INSYN2B: variants seen among roughly 807,000 people sequenced by gnomAD.
INSYN2B encodes the protein protein INSYN2B.
A neutral mutation model predicts 41.2 loss-of-function variants in INSYN2B; 16 were observed. The ratio of observed to expected loss-of-function variants is 0.39; its 90% CI spans 0.26 to 0.59. The LOEUF is 0.59. INSYN2B is among the 20% of genes least tolerant of loss of function. The pLI is 0.57. For synonymous variants in INSYN2B, 245 were observed against 244.4 expected (o/e 1.00, Z -0.02); for missense variants, 608 against 646.4 (o/e 0.94, Z 0.64).
intron 1 of INSYN2B, among the ~76,000 whole-genome samples, chr5:169,950,942 T>C (rs1296111806): frequency 2.6e-5 from 4 of 152,190 alleles, no homozygotes; most frequent in African/African-American, 9.7e-5. Context: ...AATTATAAAA[T>C]TAATTTGAAT....
At chr5:169,913,191 G>A (rs1354656703) in intron 1 of INSYN2B, among the ~76,000 whole-genome samples, 1 of 152,162 alleles carries the variant, frequency 6.6e-6, no homozygotes, top group Non-Finnish European at 1.5e-5. Context: ...TAGCGGAGTC[G>A]GAATGTGCTA....
At position 169,863,716 on chromosome 5, in the gene INSYN2B, C is replaced by G. The variant is rs1326123699; in HGVS notation, c.*557G>C. Among the ~76,000 whole-genome samples, 2 of 152,238 alleles carry G rather than the reference C, an allele frequency of 1.3e-5. No individual in the cohort carries two copies. The highest frequency in any genetic ancestry group is 4.8e-5 in the African/African-American group (2 of 41,448). On this transcript the variant is annotated 3_prime_UTR_variant, in exon 4 of 4. Coordinates refer to ENST00000377365, the MANE Select transcript of INSYN2B (RefSeq NM_001129891.3). The stretch of plus-strand genomic sequence containing the variant: ...GGGGCTAATTAAAAAGGAAAACAAC[C>G]CAACACACCAGGGTGATCTTGCATA...
intron 1 of INSYN2B, among the ~76,000 whole-genome samples, chr5:169,954,872 T>A (rs182136664): frequency 6.6e-6 from 1 of 152,116 alleles, no homozygotes; most frequent in East Asian, 1.9e-4. Flanking sequence ...AAATCAACAG[T>A]GACTTGAACC....
intron 1 of INSYN2B, among the ~76,000 whole-genome samples, chr5:169,963,357 G>C (rs1777168025): frequency 6.6e-6 from 1 of 152,116 alleles, no homozygotes; most frequent in South Asian, 2.1e-4. Flanking sequence ...CTCAATCTCA[G>C]CCTTTGATTA....
At chr5:169,927,013 T>G (rs1435096612) in intron 1 of INSYN2B, among the ~76,000 whole-genome samples, 1 of 152,216 alleles carries the variant, frequency 6.6e-6, no homozygotes, top group Non-Finnish European at 1.5e-5. Context: ...ACATTTGTGT[T>G]AAGAATTAAA....
In INSYN2B at chr5:169,923,069, G is replaced by A. The variant is rs142709784; in HGVS notation, c.-918-38253C>T. Among the ~76,000 whole-genome samples the A allele has an allele frequency of 5.9e-5, 9 of 152,314 alleles. No individual in the cohort carries two copies. The East Asian group carries it at 1.7e-3, about 29-fold the overall frequency. On this transcript the variant is annotated intron_variant, in intron 1 of 3. Coordinates refer to ENST00000377365, the MANE Select transcript of INSYN2B (RefSeq NM_001129891.3). Reference sequence around the variant, plus strand: ...TCAGAGGCTAAATAATTCCCTGGGGGACACAGAGCCACCACCTCATGGAAC... The same window carrying A: ...TCAGAGGCTAAATAATTCCCTGGGGAACACAGAGCCACCACCTCATGGAAC...
At chr5:169,898,908 G>A (rs1429036475) in intron 1 of INSYN2B, among the ~76,000 whole-genome samples, 1 of 152,210 alleles carries the variant, frequency 6.6e-6, no homozygotes, top group Non-Finnish European at 1.5e-5. Flanking sequence ...AGCAACCACA[G>A]AGACTAAAGT....
intron 1 of INSYN2B, among the ~76,000 whole-genome samples, chr5:169,887,172 A>G (rs964088536): frequency 2.6e-5 from 4 of 152,190 alleles, no homozygotes; most frequent in African/African-American, 9.7e-5. Flanking sequence ...AAGGCTAGCA[A>G]GCAGGTTTCA....
chr5:169,910,991 C>A (rs1336082460), intron 1 of INSYN2B, among the ~76,000 whole-genome samples: 1 of 152,116 alleles, frequency 6.6e-6, no homozygotes, highest in Non-Finnish European at 1.5e-5. Flanking sequence ...ATAAGTGAAA[C>A]CCTCAGGTGC....
Position 169,884,252 on chromosome 5 carries a change from C to G in INSYN2B, c.-354G>C, listed in dbSNP as rs1772841998. The G allele has an allele frequency of 5.5e-6, 1 of 181,220 alleles. No homozygotes were observed. Among genetic ancestry groups the G allele is most frequent in the Non-Finnish European group, 1.1e-5 (1 of 88,020 alleles). 11.2% of individuals were successfully genotyped at this position (181,220 alleles called of 1,614,324 possible). On this transcript the variant is annotated 5_prime_UTR_variant, in exon 2 of 4. Transcript: ENST00000377365. ...CACGCGGTTCTGATCTTGGAAGAAG[C>G]TGGCTGTCTTGAACAAAAAGACAAC...
rs1771220803 is a variant in INSYN2B at position 169,861,893 on chromosome 5, T to C, written c.*2380A>G. On this transcript the variant is annotated 3_prime_UTR_variant, in exon 4 of 4. Coordinates refer to ENST00000377365, the MANE Select transcript of INSYN2B (RefSeq NM_001129891.3). ...GTACAGCCTTGTTTGGCTGTATTTCTAGAAATGTCAACATTTTATTTATTT... is the reference window on the plus strand; with the variant it reads ...GTACAGCCTTGTTTGGCTGTATTTCCAGAAATGTCAACATTTTATTTATTT... 6.6e-6 allele frequency among the ~76,000 whole-genome samples: 1 copy of C among 152,222 alleles called. No individual in the cohort carries two copies. Among genetic ancestry groups the C allele is most frequent in the East Asian group, 1.9e-4 (1 of 5,202 alleles).
intron 1 of INSYN2B, among the ~76,000 whole-genome samples, chr5:169,962,626 T>A (rs1777139122): frequency 6.6e-6 from 1 of 151,884 alleles, no homozygotes; most frequent in African/African-American, 2.4e-5. Flanking sequence ...GACAAAGAGG[T>A]TAGACAAGAT....
chr5:169,903,960 C>T lies in INSYN2B; in HGVS notation c.-918-19144G>A, dbSNP rs373632640. On this transcript the variant is annotated intron_variant, in intron 1 of 3. Transcript: ENST00000377365. ...ACAAAAAATACAAAAATTAGCTGGG[C>T]GTGGTCCTGTAATCCCAGTTACTCG... 3.6e-3 allele frequency among the ~76,000 whole-genome samples: 546 copies of T among 152,020 alleles called. 4 individuals carry two copies. Among genetic ancestry groups the T allele is most frequent in the African/African-American group, 0.012 (496 of 41,478 alleles).
At chr5:169,969,073 C>T (rs1232465883) in intron 1 of INSYN2B, among the ~76,000 whole-genome samples, 9 of 152,070 alleles carry the variant, frequency 5.9e-5, no homozygotes, top group Admixed American at 5.9e-4. Context: ...TTGCTTGAGC[C>T]CAGCAAGTCA....
At chr5:169,918,288 G>C (rs1453320853) in intron 1 of INSYN2B, among the ~76,000 whole-genome samples, 2 of 152,164 alleles carry the variant, frequency 1.3e-5, no homozygotes, top group Non-Finnish European at 2.9e-5. Flanking sequence ...CTCTCAAAAT[G>C]TTGTGGTTTG....
At chr5:169,912,350 C>T (rs2113623325) in intron 1 of INSYN2B, among the ~76,000 whole-genome samples, 1 of 152,216 alleles carries the variant, frequency 6.6e-6, no homozygotes, top group Non-Finnish European at 1.5e-5. Flanking sequence ...TGAAGGGTGG[C>T]TCTTATTTAC....
intron 3 of INSYN2B, among the ~76,000 whole-genome samples, chr5:169,865,890 A>G (rs2113429681): frequency 6.6e-6 from 1 of 152,326 alleles, no homozygotes; most frequent in South Asian, 2.1e-4. Flanking sequence ...TACTCTCCCC[A>G]TGTCACCTCC....
intron 1 of INSYN2B, among the ~76,000 whole-genome samples, chr5:169,927,929 A>G (rs1220214687): frequency 6.6e-6 from 1 of 152,172 alleles, no homozygotes; most frequent in East Asian, 1.9e-4. Flanking sequence ...AAAATTCTTT[A>G]TTCAGGGCTG....
intron 3 of INSYN2B, among the ~76,000 whole-genome samples, chr5:169,878,346 G>A (rs552390042): frequency 1.3e-5 from 2 of 152,044 alleles, no homozygotes; most frequent in East Asian, 1.9e-4. Flanking sequence ...AAATCCATTC[G>A]CTTTTTAAAT....
Sources: allele counts gnomAD v4.1 joint callset (sites outside exome capture counted in the v4.1 genomes callset), GRCh38; gene constraint gnomAD v4.1.1; transcripts MANE v1.5; gene names NCBI Gene and HGNC (gene_info 2026-07-23, HGNC 2026-07-21).